The following TEP1 variants were observed in gnomAD, a reference collection of about 807,000 sequenced individuals.
TEP1 encodes telomerase associated protein 1.
Under a neutral mutation model 306.3 loss-of-function variants are expected in TEP1, and 241 were observed. The ratio of observed to expected loss-of-function variants is 0.79; its 90% confidence interval spans 0.71 to 0.88. The LOEUF (loss-of-function observed/expected upper bound fraction) is 0.88, where lower values mean the gene tolerates loss of function less well. Ranked by LOEUF, TEP1 falls within the 40% of genes least tolerant of loss-of-function variation. The probability of loss-of-function intolerance (pLI) is 0.00; values close to 1 mark genes in which losing one functional copy is unlikely to be tolerated. For synonymous variants in TEP1, 1,289 were observed against 1,305.5 expected, an observed-to-expected ratio of 0.99 and a Z score of 0.27; for missense variants, 3,051 against 3,276.1, an observed-to-expected ratio of 0.93 and a Z score of 1.68.
At chr14:20,404,475 AGCTGTCCTGTCTGG>A (rs1250831039) in intron 5 of TEP1, 122 bp downstream of exon 5, 115 of 1,110,634 alleles carry the variant, frequency 1.0e-4, no homozygotes, top group Non-Finnish European at 1.2e-4. Context: ...TGGAGGGAGA[AGCTGTCCTGTCTGG>A]GCACCAATGC....
At position 20,381,627 on chromosome 14, in the gene TEP1, G is replaced by C; in HGVS notation, c.4484C>G (p.Pro1495Arg). Residue 1495 changes from proline to arginine, a missense_variant, in exon 31 of 55, where the codon CCC becomes CGC. Transcript: ENST00000262715. The surrounding 1 kb of genome is among the most constrained non-coding windows in gnomAD (Gnocchi z 4.0). ...PGARLCLPDG[P>R]LRTAAKRCYG... ...GCAACGTTTAGCTGCTGTTCTCAGG[G>C]GCCCATCAGGGAGGCACAGCCGGGC... 1 of 1,613,930 alleles carries C rather than the reference G, an allele frequency of 6.2e-7. No homozygotes were observed. Among genetic ancestry groups the C allele is most frequent in the Non-Finnish European group, 8.5e-7 (1 of 1,179,960 alleles).
At chr14:20,377,258 C>A in intron 41 of TEP1, 22 bp downstream of exon 41, 2 of 1,557,858 alleles carry the variant, frequency 1.3e-6, no homozygotes, top group Non-Finnish European at 1.7e-6. Flanking sequence ...ATTTGTTAAC[C>A]CTGCCCACTG....
At chr14:20,372,683 G>C (rs1408218097) in intron 49 of TEP1, 50 bp downstream of exon 49, 7 of 1,612,514 alleles carry the variant, frequency 4.3e-6, no homozygotes, top group Non-Finnish European at 5.9e-6. Context: ...AAAATGCCAG[G>C]AGTGAGGAGA....
intron 35 of TEP1, among the ~76,000 whole-genome samples, chr14:20,379,683 TG>T (rs1282383736): frequency 6.6e-6 from 1 of 152,244 alleles, no homozygotes; most frequent in Non-Finnish European, 1.5e-5. Context: ...GACCACTTGG[TG>T]GGCAATGACA....
chr14:20,396,711 G>A lies in TEP1; in HGVS notation c.1569C>T (p.Phe523=), dbSNP rs752862513. The A allele has an allele frequency of 6.2e-7, 1 of 1,608,662 alleles. No individual in the cohort carries two copies. The highest frequency in any genetic ancestry group is 8.5e-7 in the Non-Finnish European group (1 of 1,175,990). Residue 523 remains phenylalanine (F), a synonymous_variant, in exon 10 of 55, where the codon TTC becomes TTT. Coordinates refer to ENST00000262715, the MANE Select transcript of TEP1 (RefSeq NM_007110.5). ...TGCACAGGTTCCGAAGCATGGCCAT[G>A]AAGGGAAGCTTCCCATTTTCTGTGG... ...EELIENGKLP[F]MAMLRNLCNL... is the part of the protein sequence containing the mutation.
In TEP1 at chr14:20,395,872, T is replaced by C. The variant is rs1046891295; in HGVS notation, c.1737A>G (p.Gln579=). ...AHDAIDALEA[Q]LRNQALPFPS... ...AGGGGAGAATACCTTGATTTCTGAGTTGAGCCTCGAGGGCATCAATGGCAT... is the reference window on the plus strand; with the variant it reads ...AGGGGAGAATACCTTGATTTCTGAGCTGAGCCTCGAGGGCATCAATGGCAT... The change falls in exon 11 of 55, where the codon CAA becomes CAG. Residue 579 remains glutamine, a synonymous_variant. Coordinates refer to ENST00000262715, the MANE Select transcript of TEP1 (RefSeq NM_007110.5). 5 of 1,613,516 alleles carry C rather than the reference T, an allele frequency of 3.1e-6. No individual in the cohort carries two copies. Among genetic ancestry groups the C allele is most frequent in the Non-Finnish European group, 4.2e-6 (5 of 1,179,804 alleles).
Position 20,406,361 on chromosome 14 carries a change from T to G in TEP1, c.607A>C (p.Thr203Pro). Residue 203 changes from threonine to proline, a missense_variant, in exon 3 of 55, where the codon ACC (threonine) becomes CCC (proline). Physicochemically the swap from Thr to Pro is conservative, Grantham distance 38. This residue lies in a region of TEP1 where 1,507 missense variants were observed against 1,550.5 expected (regional missense o/e 0.97). Transcript: ENST00000262715. ...CTCAGACTATAAGAAGGCATTTGGG[T>G]CTCTGCCCCTTTCTTCTCTTCTGAA... ...FDSEEKKGAE[T>P]QMPSYSLSLG... The G allele has an allele frequency of 6.2e-7, 1 of 1,614,148 alleles. No homozygotes were observed. The highest frequency in any genetic ancestry group is 1.1e-5 in the South Asian group (1 of 91,082).
At position 20,408,455 on chromosome 14, in the gene TEP1, T is replaced by C; in HGVS notation, c.-16A>G. The C allele has an allele frequency of 6.2e-7, 1 of 1,605,282 alleles. No individual in the cohort carries two copies. The highest frequency in any genetic ancestry group is 8.5e-7 in the Non-Finnish European group (1 of 1,177,352). On this transcript the variant is annotated 5_prime_UTR_variant, in exon 2 of 55. Coordinates refer to ENST00000262715, the MANE Select transcript of TEP1 (RefSeq NM_007110.5). ...GTTTTTCCATGGCTGAAACTCAGCT[T>C]GTATATGCCTAGAAGGAGAGAAAGA... is the stretch of plus-strand genomic sequence containing the variant.
chr14:20,391,673 G>A lies in TEP1; in HGVS notation c.2023C>T (p.Pro675Ser), dbSNP rs1219773053. ...LSVKHSLPLL[P>S]GRTVLVYLTD... ...AGATAGACCAAGACAGTGCGGCCTG[G>A]CAGCAGGGGCAGGCTGTGCTTCACA... Residue 675 changes from proline (P) to serine (S), a missense_variant, in exon 13 of 55, where the codon CCA (proline) becomes TCA (serine). Around this residue, in one of 3 missense-constraint regions of TEP1, gnomAD observed 1,507 missense variants for 1,550.5 expected, o/e 0.97. Transcript: ENST00000262715. The A allele has an allele frequency of 5.6e-6, 9 of 1,614,044 alleles. No individual in the cohort carries two copies. The highest frequency in any genetic ancestry group is 7.6e-6 in the Non-Finnish European group (9 of 1,180,040).
Position 20,390,544 on chromosome 14 carries a change from G to C in TEP1, c.2334+137C>G, listed in dbSNP as rs1055450148. 3.0e-5 allele frequency: 23 copies of C among 776,752 alleles called. No homozygotes were observed. In the African/African-American group the frequency reaches 4.0e-4, roughly 14 times the overall value. The allele number at this position is 776,752 out of a possible 1,614,324, so 48.1% of individuals were successfully genotyped here. A position where few individuals can be genotyped will look rare whatever the true frequency, so the allele number is the denominator to read the frequency against. On this transcript the variant is annotated intron_variant, in intron 15 of 54. Transcript: ENST00000262715. The stretch of plus-strand genomic sequence containing the variant: ...TATTCAGCAGCACACCACTGGGTAG[G>C]GGGTTGTAGCCAGTAGAGCTGATCT...
chr14:20,375,714 A>T, intron 43 of TEP1, 41 bp downstream of exon 43: 1 of 1,401,004 alleles, frequency 7.1e-7, no homozygotes, highest in African/African-American at 1.4e-5. Flanking sequence ...TTGCCCCAGG[A>T]ACCCAGCTGG....
intron 9 of TEP1, among the ~76,000 whole-genome samples, chr14:20,400,012 T>C (rs909028118): frequency 6.6e-6 from 1 of 151,458 alleles, no homozygotes; most frequent in Admixed American, 6.6e-5. Flanking sequence ...CAAAATTAGC[T>C]GGGCATGGTG....
rs750494035 is a variant in TEP1 at position 20,371,326 on chromosome 14, GA to G, written c.7221-13del. Reference sequence around the variant, plus strand: ...CTGTATAGCTGCTCCTGGTTTGTGAGAAAGGAATAGGTTGAGCTCAGGATTT... The same window carrying G: ...CTGTATAGCTGCTCCTGGTTTGTGAGAAGGAATAGGTTGAGCTCAGGATTT... On this transcript the variant is annotated splice_polypyrimidine_tract_variant and intron_variant, in intron 50 of 54. Transcript: ENST00000262715. 2 of 1,612,110 alleles carry G rather than the reference GA, an allele frequency of 1.2e-6. No individual in the cohort carries two copies. Among genetic ancestry groups the G allele is most frequent in the Non-Finnish European group, 1.7e-6 (2 of 1,178,114 alleles).
In TEP1 at chr14:20,377,482, C is replaced by A. The variant is rs771754937; in HGVS notation, c.5886G>T (p.Gly1962=). The A allele has an allele frequency of 1.2e-6, 2 of 1,613,594 alleles. No homozygotes were observed. Among genetic ancestry groups the A allele is most frequent in the Non-Finnish European group, 1.7e-6 (2 of 1,179,772 alleles). ...CCACATCCAGTGCCTGACCCTGAGC[C>A]CCCTGGGAACCTAGAGAATGAGAGA... is the stretch of plus-strand genomic sequence containing the variant. ...RIYKISSGSQ[G]AQGQALDVAV... The change falls in exon 41 of 55, where the codon GGG becomes GGT. Residue 1962 remains glycine, a synonymous_variant. Coordinates refer to ENST00000262715, the MANE Select transcript of TEP1 (RefSeq NM_007110.5).
intron 37 of TEP1, 27 bp downstream of exon 37, chr14:20,378,727 C>G: frequency 5.6e-6 from 9 of 1,611,196 alleles, no homozygotes; most frequent in Non-Finnish European, 6.8e-6. Context: ...CAGGGCCACT[C>G]TGACCACTGC....
In TEP1 at chr14:20,378,818, G is replaced by C; in HGVS notation, c.5288C>G (p.Thr1763Ser). ...GCAGTCTGGGCTCAGGCAGCAGCCA[G>C]TGATTTGGTACTGGTGAGCCTTAGT... ...LQTKAHQYQI[T>S]GCCLSPDCRL... is the part of the protein sequence containing the mutation. The change falls in exon 37 of 55, where the codon ACT (threonine) becomes AGT (serine). Residue 1763 changes from threonine (T) to serine (S), a missense_variant. Around this residue, in one of 3 missense-constraint regions of TEP1, gnomAD observed 1,540 missense variants for 1,705.9 expected, o/e 0.90. Transcript: ENST00000262715. 6.2e-7 allele frequency: 1 copy of C among 1,614,250 alleles called. No individual in the cohort carries two copies. Among genetic ancestry groups the C allele is most frequent in the East Asian group, 2.2e-5 (1 of 44,888 alleles).
At chr14:20,401,727 G>A in intron 7 of TEP1, 146 bp from the exon 8 acceptor site, 1 of 1,229,220 alleles carries the variant, frequency 8.1e-7, no homozygotes, top group Non-Finnish European at 1.1e-6. Flanking sequence ...CAGGAATAGA[G>A]GGTACAAATC....
chr14:20,375,472 G>C (rs78675309), intron 43 of TEP1, among the ~76,000 whole-genome samples: 1,806 of 152,262 alleles, frequency 0.012, 37 homozygotes, highest in African/African-American at 0.041. Flanking sequence ...TCTTATTAGA[G>C]AGTTCCCTGG....
At chr14:20,401,272 G>C in intron 8 of TEP1, 131 bp from the exon 9 acceptor site, 1 of 1,381,086 alleles carries the variant, frequency 7.2e-7, no homozygotes, top group Non-Finnish European at 9.8e-7. Flanking sequence ...AAAAGGAAAG[G>C]TGAGTCATGT....
Sources: allele counts gnomAD v4.1 joint callset (sites outside exome capture counted in the v4.1 genomes callset), GRCh38; gene constraint gnomAD v4.1.1; regional missense constraint gnomAD v4.1.1; non-coding constraint Gnocchi (gnomAD v3.1); transcripts MANE v1.5; gene names NCBI Gene and HGNC (gene_info 2026-07-23, HGNC 2026-07-21).